The following WHR1 variants were observed in gnomAD, a reference collection of about 807,000 sequenced individuals.
WHR1 encodes MHC class III HLA-RP1.
chr6:31,971,824 T>G, the WHR1 span: 1 of 1,326,214 alleles, frequency 7.5e-7, no homozygotes, highest in Non-Finnish European at 1.0e-6. This position sits in a 1 kb window ranked among gnomAD's most constrained non-coding sequence, Gnocchi z 4.5. Context: ...GCGGCCAAGC[T>G]CTCATCCTGC....
chr6:31,976,164 G>A, the WHR1 span, among the ~76,000 whole-genome samples: 1 of 149,640 alleles, frequency 6.7e-6, no homozygotes, highest in African/African-American at 2.5e-5. Context: ...CCCGGACAGG[G>A]CGGCTGGCCG....
chr6:31,972,766 C>A, the WHR1 span: 5 of 1,610,112 alleles, frequency 3.1e-6, no homozygotes, highest in Non-Finnish European at 4.2e-6. The surrounding 1 kb of genome is among the most constrained non-coding windows in gnomAD (Gnocchi z 6.3). Flanking sequence ...TGGTGAGGGG[C>A]GTCGGTGCGA....
chr6:31,981,055 C>T, the WHR1 span: 1 of 477,472 alleles, frequency 2.1e-6, no homozygotes, highest in East Asian at 3.1e-5. Flanking sequence ...CATGAAGATT[C>T]TGCTCATCAT....
the WHR1 span, chr6:31,980,254 G>A: frequency 1.9e-6 from 1 of 535,992 alleles, no homozygotes; most frequent in South Asian, 3.0e-5. Context: ...TCCAGGTAGG[G>A]GGCCTGGAAC....
the WHR1 span, among the ~76,000 whole-genome samples, chr6:31,978,165 G>A: frequency 1.3e-5 from 2 of 152,112 alleles, no homozygotes; most frequent in African/African-American, 4.8e-5. Context: ...TTTAAGAGAT[G>A]GGGTCTCACT....
the WHR1 span, chr6:31,971,639 T>C: frequency 1.5e-3 from 2,417 of 1,610,518 alleles, 4 homozygotes; most frequent in African/African-American, 4.4e-3. This position sits in a 1 kb window ranked among gnomAD's most constrained non-coding sequence, Gnocchi z 4.5. Flanking sequence ...GCTACCTCTG[T>C]CTTCTCAGCT....
chr6:31,975,258 G>A, the WHR1 span, among the ~76,000 whole-genome samples: 81 of 149,680 alleles, frequency 5.4e-4, 1 homozygote, highest in East Asian at 0.01. Flanking sequence ...CTGGAGTGCA[G>A]TGGTGTGATC....
At chr6:31,972,556 G>C in the WHR1 span, 9 of 1,595,538 alleles carry the variant, frequency 5.6e-6, no homozygotes, top group African/African-American at 5.4e-5. This position sits in a 1 kb window ranked among gnomAD's most constrained non-coding sequence, Gnocchi z 6.3. Flanking sequence ...TCCGGTAGCC[G>C]AGAGTTTTGT....
the WHR1 span, among the ~76,000 whole-genome samples, chr6:31,975,949 G>T: frequency 4.0e-5 from 6 of 150,522 alleles, no homozygotes; most frequent in African/African-American, 1.5e-4. Flanking sequence ...CGGCTGGCCG[G>T]GCAGAGGGGC....
chr6:31,980,483 G>A, the WHR1 span: 10 of 1,613,146 alleles, frequency 6.2e-6, no homozygotes, highest in South Asian at 5.5e-5. Flanking sequence ...CTCACCGTCC[G>A]AGATGCTGGG....
At chr6:31,973,618 TA>T in the WHR1 span, among the ~76,000 whole-genome samples, 1 of 152,138 alleles carries the variant, frequency 6.6e-6, no homozygotes, top group Non-Finnish European at 1.5e-5. Flanking sequence ...TATGTATAGT[TA>T]GGGGGGAAAT....
chr6:31,979,352 G>C, the WHR1 span: 2 of 1,603,360 alleles, frequency 1.2e-6, no homozygotes, highest in South Asian at 2.2e-5. Context: ...TGCTGTCCTG[G>C]GGGTGGAGGT....
At chr6:31,979,819 G>A in the WHR1 span, 2 of 409,196 alleles carry the variant, frequency 4.9e-6, no homozygotes, top group Non-Finnish European at 8.9e-6. Flanking sequence ...GGCAGGAAGT[G>A]TAAAAGCTTG....
the WHR1 span, among the ~76,000 whole-genome samples, chr6:31,976,484 T>C: frequency 6.9e-6 from 1 of 145,214 alleles, no homozygotes; most frequent in Non-Finnish European, 1.5e-5. Flanking sequence ...TCTCAGACGA[T>C]GAGCGGCCGG....
the WHR1 span, chr6:31,979,774 G>C: frequency 7.4e-6 from 4 of 541,874 alleles, no homozygotes; most frequent in Non-Finnish European, 1.3e-5. Flanking sequence ...ATAGAATTCA[G>C]TTCTTGGTGG....
chr6:31,971,453 T>TG, the WHR1 span: 118 of 1,613,224 alleles, frequency 7.3e-5, no homozygotes, highest in Non-Finnish European at 9.8e-5. The surrounding 1 kb of genome is among the most constrained non-coding windows in gnomAD (Gnocchi z 4.5). Flanking sequence ...GGACCGTTAG[T>TG]GGGGGGTGGG....
chr6:31,976,367 C>T, the WHR1 span, among the ~76,000 whole-genome samples: 4 of 150,864 alleles, frequency 2.7e-5, no homozygotes, highest in Admixed American at 6.6e-5. Context: ...CCTTCTCAGA[C>T]GGGGAGGCTG....
the WHR1 span, chr6:31,979,641 G>C: frequency 6.6e-7 from 1 of 1,525,034 alleles, no homozygotes; most frequent in Non-Finnish European, 8.8e-7. Flanking sequence ...CTGTTTTTTT[G>C]GTGAACCTGC....
the WHR1 span, chr6:31,972,664 G>A: frequency 1.2e-6 from 2 of 1,613,706 alleles, no homozygotes; most frequent in Non-Finnish European, 1.7e-6. The surrounding 1 kb of genome is among the most constrained non-coding windows in gnomAD (Gnocchi z 6.3). Flanking sequence ...AGCTGTTCCC[G>A]CGAGGCCTGT....
Sources: allele counts gnomAD v4.1 joint callset (sites outside exome capture counted in the v4.1 genomes callset), GRCh38; gene constraint gnomAD v4.1.1; non-coding constraint Gnocchi (gnomAD v3.1); transcripts MANE v1.5; gene names NCBI Gene and HGNC (gene_info 2026-07-23, HGNC 2026-07-21).